Variants in RNF17 observed in about 807,000 individuals in gnomAD.
RNF17 encodes the protein ring finger protein 17.
Under a neutral mutation model 200.5 loss-of-function variants are expected in RNF17, and 31 were observed. That is an observed-to-expected ratio of 0.15 (90% CI 0.12 to 0.21). The LOEUF (loss-of-function observed/expected upper bound fraction) is 0.21, where lower values mean the gene tolerates loss of function less well. Ranked by LOEUF, RNF17 falls within the 10% of genes least tolerant of loss-of-function variation. The pLI is 1.00. For synonymous variants in RNF17, 606 were observed against 637.8 expected, an observed-to-expected ratio of 0.95 and a Z score of 0.75; for missense variants, 1,628 against 1,905.1, an observed-to-expected ratio of 0.85 and a Z score of 2.71.
the RNF17 span, among the ~76,000 whole-genome samples, chr13:24,759,101 A>C: frequency 6.5e-4 from 98 of 151,196 alleles, no homozygotes; most frequent in African/African-American, 2.0e-3. Context: ...AAAAAAAAAA[A>C]AACAACACTT....
At chr13:24,839,512 G>T (rs764139434) in intron 18 of RNF17, among the ~76,000 whole-genome samples, 2 of 152,102 alleles carry the variant, frequency 1.3e-5, no homozygotes, top group Admixed American at 6.5e-5. Flanking sequence ...CCAAAACAGT[G>T]TGGTACTGGT....
At position 24,830,527 on chromosome 13, in the gene RNF17, T is replaced by C. The variant is rs761506571; in HGVS notation, c.2289T>C (p.Phe763=). ...HQEVEVKYVD[F]GNTAKITIKD... The stretch of plus-strand genomic sequence containing the variant: ...AAGTTGAAGTTAAATATGTGGACTT[T>C]GGTAATACTGCAAAAATAACAATCA... Residue 763 remains phenylalanine (F), a synonymous_variant, in exon 17 of 36, where the codon TTT becomes TTC. Transcript: ENST00000255324. The C allele has an allele frequency of 6.2e-7, 1 of 1,611,674 alleles. No homozygotes were observed. Among genetic ancestry groups the C allele is most frequent in the Non-Finnish European group, 8.5e-7 (1 of 1,179,006 alleles).
rs1182243226 is a variant in RNF17 at position 24,812,312 on chromosome 13, A to C, written c.2091+7883A>C. ...CAGCGAGACTCCGTGGGCGTAGGAC[A>C]CTCTGAGCCATGTGCGGGATATAAT... On this transcript the variant is annotated intron_variant, in intron 15 of 35. Transcript: ENST00000255324. Among the ~76,000 whole-genome samples the C allele has an allele frequency of 3.3e-5, 5 of 151,146 alleles. 1 individual carries two copies. In the East Asian group the frequency reaches 1.0e-3, roughly 31 times the overall value.
At chr13:24,765,181 A>T (rs953066402) in intron 1 of RNF17, among the ~76,000 whole-genome samples, 7 of 151,774 alleles carry the variant, frequency 4.6e-5, no homozygotes, top group Non-Finnish European at 8.8e-5. Flanking sequence ...ACGCCCGGCT[A>T]ATTTTTTGTA....
chr13:24,831,606 G>A (rs568824057), intron 17 of RNF17, among the ~76,000 whole-genome samples: 1 of 152,306 alleles, frequency 6.6e-6, no homozygotes, highest in East Asian at 1.9e-4. Context: ...TGTATCATAA[G>A]TGTCTGTAAT....
At chr13:24,825,514 C>A in intron 15 of RNF17, 105 bp from the exon 16 acceptor site, 1 of 769,408 alleles carries the variant, frequency 1.3e-6, no homozygotes, top group Non-Finnish European at 2.1e-6. Context: ...ACATTCAATT[C>A]AAGTTTTAAT....
At chr13:24,769,186 A>G (rs1163175309) in intron 2 of RNF17, among the ~76,000 whole-genome samples, 2 of 151,590 alleles carry the variant, frequency 1.3e-5, no homozygotes, top group Non-Finnish European at 2.9e-5. Flanking sequence ...CTGTTCTAAT[A>G]TTAAAAAAAA....
chr13:24,776,784 C>T (rs1451868009), intron 3 of RNF17, among the ~76,000 whole-genome samples: 1 of 152,134 alleles, frequency 6.6e-6, no homozygotes, highest in African/African-American at 2.4e-5. Flanking sequence ...TCAGCTGTAG[C>T]CAGTTATTAG....
intron 22 of RNF17, 79 bp downstream of exon 22, chr13:24,845,158 T>A (rs1370088309): frequency 9.0e-6 from 7 of 780,862 alleles, no homozygotes; most frequent in Admixed American, 5.0e-5. Flanking sequence ...TTTGCTAAGA[T>A]ATTCTGAAAT....
intron 26 of RNF17, among the ~76,000 whole-genome samples, chr13:24,859,470 T>C (rs1166410262): frequency 6.6e-6 from 1 of 152,158 alleles, no homozygotes; most frequent in Non-Finnish European, 1.5e-5. Context: ...TTCCAGTATG[T>C]TAAATATCTC....
chr13:24,859,660 TAAGTAAAG>T (rs1892888153), intron 26 of RNF17, among the ~76,000 whole-genome samples: 2 of 152,040 alleles, frequency 1.3e-5, no homozygotes, highest in Non-Finnish European at 2.9e-5. Flanking sequence ...TTGTATTTAC[TAAGTAAAG>T]GAATGAAATT....
chr13:24,853,261 C>G (rs1396353162), intron 24 of RNF17, among the ~76,000 whole-genome samples: 1 of 152,060 alleles, frequency 6.6e-6, no homozygotes, highest in Non-Finnish European at 1.5e-5. Flanking sequence ...AAGAAACTTG[C>G]TATAATTCCG....
chr13:24,874,975 G>A (rs906872991), intron 33 of RNF17, among the ~76,000 whole-genome samples: 2 of 152,064 alleles, frequency 1.3e-5, no homozygotes, highest in South Asian at 2.1e-4. Context: ...TATTTCAATA[G>A]CATAATTTTT....
In RNF17 at chr13:24,774,864, A is replaced by G. The variant is rs1412297740; in HGVS notation, c.277A>G (p.Ile93Val). The change falls in exon 3 of 36, where the codon ATT (isoleucine) becomes GTT (valine). Residue 93 changes from isoleucine (I) to valine (V), a missense_variant. Ile to Val is a conservative substitution (Grantham distance 29). This residue lies in a region of RNF17 where 502 missense variants were observed against 501.7 expected (regional missense o/e 1.00). Transcript: ENST00000255324. ...RQRYYPMAGY[I>V]KEDSIMEKLQ... The stretch of plus-strand genomic sequence containing the variant: ...ACGCTACTACCCAATGGCTGGATAT[A>G]TTAAGGAAGACTCCATAATGGAAAA... 6 of 1,612,138 alleles carry G rather than the reference A, an allele frequency of 3.7e-6. No individual in the cohort carries two copies. Among genetic ancestry groups the G allele is most frequent in the South Asian group, 2.2e-5 (2 of 91,000 alleles).
intron 18 of RNF17, among the ~76,000 whole-genome samples, chr13:24,836,770 A>C (rs1200626054): frequency 6.6e-6 from 1 of 151,566 alleles, no homozygotes; most frequent in Non-Finnish European, 1.5e-5. Flanking sequence ...TTCAGAGCAT[A>C]AATCACACCA....
rs761430350 is a variant in RNF17 at position 24,861,369 on chromosome 13, G to A, written c.3876G>A (p.Gln1292=). ...PDIPQFCIPC[Q]LHNTTPVGNV... Reference sequence around the variant, plus strand: ...TACCCCAGTTTTGTATTCCTTGTCAGCTCCATAATACCACACCTGTGAGTA... The same window carrying A: ...TACCCCAGTTTTGTATTCCTTGTCAACTCCATAATACCACACCTGTGAGTA... The change falls in exon 27 of 36, where the codon CAG becomes CAA. Residue 1292 remains glutamine (Q), a synonymous_variant. Transcript: ENST00000255324. The A allele has an allele frequency of 1.3e-6, 2 of 1,566,610 alleles. No individual in the cohort carries two copies. The highest frequency in any genetic ancestry group is 1.2e-5 in the South Asian group (1 of 85,666).
At chr13:24,801,834 C>T (rs1475815536) in intron 13 of RNF17, among the ~76,000 whole-genome samples, 1 of 152,078 alleles carries the variant, frequency 6.6e-6, no homozygotes, top group Non-Finnish European at 1.5e-5. Context: ...TGAGATCTTT[C>T]TTTATAACCT....
the RNF17 span, among the ~76,000 whole-genome samples, chr13:24,754,666 A>G: frequency 6.6e-6 from 1 of 152,292 alleles, no homozygotes; most frequent in African/African-American, 2.4e-5. Context: ...GAGGCTGGGC[A>G]GATCGCTTGA....
At position 24,831,901 on chromosome 13, in the gene RNF17, C is replaced by A. The variant is rs1889457399; in HGVS notation, c.2405C>A (p.Thr802Lys). 1 of 1,609,758 alleles carries A rather than the reference C, an allele frequency of 6.2e-7. No individual in the cohort carries two copies. ...GCCTATATTGAACCATATAAAAGGA[C>A]AATGCAGTGGTCCAAAGAAGCTAAA... is the stretch of plus-strand genomic sequence containing the variant. ...KLAYIEPYKR[T>K]MQWSKEAKEK... The change falls in exon 18 of 36, where the codon ACA becomes AAA. Residue 802 changes from threonine (T) to lysine (K), a missense_variant. Coordinates refer to ENST00000255324, the MANE Select transcript of RNF17 (RefSeq NM_031277.3).
Sources: gnomAD v4.1 joint callset for allele counts (sites outside exome capture counted in the v4.1 genomes callset) on GRCh38, gnomAD v4.1.1 for gene constraint, gnomAD v4.1.1 regional missense constraint, MANE v1.5 for transcripts, NCBI Gene and HGNC (gene_info 2026-07-23, HGNC 2026-07-21) for gene names.